The following ANXA2 variants were observed in gnomAD, a reference collection of about 807,000 sequenced individuals.
The protein encoded by ANXA2 is annexin II.
Under a neutral mutation model 47.3 loss-of-function variants are expected in ANXA2, and 28 were observed. The observed-to-expected ratio is 0.59, with a 90% confidence interval of 0.44 to 0.81. ANXA2 has a LOEUF of 0.81. ANXA2 is among the 40% of genes least tolerant of loss of function. The pLI, the probability that ANXA2 is intolerant of heterozygous loss-of-function variation, is 0.00. For missense variants in ANXA2, 384 were observed against 414.3 expected (o/e 0.93, Z 0.64); for synonymous variants, 172 against 155.5 (o/e 1.11, Z -0.79).
At chr15:60,378,470 C>T (rs2062810434) in intron 3 of ANXA2, among the ~76,000 whole-genome samples, 1 of 152,188 alleles carries the variant, frequency 6.6e-6, no homozygotes, top group Non-Finnish European at 1.5e-5. Flanking sequence ...TCAAGACATA[C>T]TTCCCAACTA....
chr15:60,350,149 G>A (rs199956256), intron 11 of ANXA2, among the ~76,000 whole-genome samples: 2 of 63,944 alleles, frequency 3.1e-5, no homozygotes, highest in South Asian at 5.2e-4. Flanking sequence ...GGGGAAGGCA[G>A]GGAGGCAGGG....
At chr15:60,358,155 T>C (rs192341758) in intron 5 of ANXA2, among the ~76,000 whole-genome samples, 23 of 152,346 alleles carry the variant, frequency 1.5e-4, no homozygotes, top group Non-Finnish European at 2.8e-4. Flanking sequence ...TTGATAATTA[T>C]GCACTCTTCA....
chr15:60,365,594 A>G (rs977549644), intron 3 of ANXA2, among the ~76,000 whole-genome samples: 2 of 152,242 alleles, frequency 1.3e-5, no homozygotes, highest in Non-Finnish European at 2.9e-5. Context: ...CGCTTGAGAC[A>G]AAGACAAACA....
intron 1 of ANXA2, among the ~76,000 whole-genome samples, chr15:60,391,757 A>G (rs1421611384): frequency 6.6e-6 from 1 of 152,054 alleles, no homozygotes; most frequent in Non-Finnish European, 1.5e-5. Flanking sequence ...ACCGTATAAA[A>G]CTCATAAATC....
At chr15:60,355,026 G>A (rs1190303266) in intron 7 of ANXA2, among the ~76,000 whole-genome samples, 2 of 152,128 alleles carry the variant, frequency 1.3e-5, no homozygotes, top group Admixed American at 1.3e-4. Flanking sequence ...CAAGCAGAGC[G>A]GGAGAGCCAG....
chr15:60,373,670 C>G (rs377293049), intron 3 of ANXA2, among the ~76,000 whole-genome samples: 6 of 152,350 alleles, frequency 3.9e-5, no homozygotes, highest in African/African-American at 1.4e-4. Context: ...GGACTCAGAC[C>G]TGTGAGATCC....
intron 1 of ANXA2, chr15:60,393,263 G>A: frequency 2.9e-6 from 3 of 1,048,506 alleles, no homozygotes; most frequent in Non-Finnish European, 3.5e-6. Context: ...TGCTCTCACA[G>A]CCTCTCTCTG....
At chr15:60,358,968 C>G (rs1231156072) in intron 5 of ANXA2, among the ~76,000 whole-genome samples, 3 of 152,174 alleles carry the variant, frequency 2.0e-5, no homozygotes, top group Non-Finnish European at 4.4e-5. Context: ...TTGGCAATTT[C>G]CAAAGCCCGG....
chr15:60,353,096 C>G (rs998487716), intron 8 of ANXA2, among the ~76,000 whole-genome samples: 1 of 152,156 alleles, frequency 6.6e-6, no homozygotes, highest in Admixed American at 6.5e-5. Flanking sequence ...TATTTAAAAC[C>G]CTTCTCTACT....
At chr15:60,388,904 GC>G (rs2062969812) in intron 1 of ANXA2, among the ~76,000 whole-genome samples, 1 of 57,850 alleles carries the variant, frequency 1.7e-5, no homozygotes, top group Non-Finnish European at 4.3e-5. Context: ...ACTACACCTG[GC>G]TTTTTTTTTT....
intron 4 of ANXA2, 53 bp from the exon 5 acceptor site, chr15:60,361,107 G>T: frequency 1.6e-6 from 2 of 1,270,846 alleles, no homozygotes; most frequent in Admixed American, 1.8e-5. Flanking sequence ...TTTAAAACTA[G>T]TGAGTAAAAC....
intron 1 of ANXA2, chr15:60,393,550 C>T: frequency 1.0e-6 from 1 of 985,644 alleles, no homozygotes; most frequent in South Asian, 4.7e-5. Flanking sequence ...GCATCCTGCA[C>T]AGAAGAGTTA....
chr15:60,397,330 C>T, intron 1 of ANXA2: 1 of 985,704 alleles, frequency 1.0e-6, no homozygotes, highest in East Asian at 1.1e-4. Flanking sequence ...TGCTATGCTA[C>T]AAGATAACCT....
At chr15:60,381,244 C>G (rs1453938890) in intron 3 of ANXA2, among the ~76,000 whole-genome samples, 1 of 152,136 alleles carries the variant, frequency 6.6e-6, no homozygotes, top group African/African-American at 2.4e-5. Context: ...AGTTAAAACG[C>G]TGTACATAGA....
chr15:60,360,710 T>C (rs933060268), intron 5 of ANXA2, among the ~76,000 whole-genome samples: 1 of 152,230 alleles, frequency 6.6e-6, no homozygotes, highest in South Asian at 2.1e-4. Flanking sequence ...TGCTGAGTAG[T>C]AGCAGCTGGT....
intron 1 of ANXA2, chr15:60,390,814 A>C (rs1405261084): frequency 6.4e-6 from 1 of 156,498 alleles, no homozygotes; most frequent in Non-Finnish European, 1.4e-5. Flanking sequence ...ATGCAAAGTC[A>C]TTTTGCATAT....
intron 3 of ANXA2, among the ~76,000 whole-genome samples, chr15:60,377,802 C>T (rs2062801373): frequency 6.6e-6 from 1 of 151,894 alleles, no homozygotes; most frequent in Non-Finnish European, 1.5e-5. Context: ...TAAAAGAAAT[C>T]ATAGGCCAGG....
rs1426460558 is a variant in ANXA2, at chr15:60,347,332, T to C, written c.*298A>G. 1 of 426,370 alleles carries C rather than the reference T, an allele frequency of 2.3e-6. No homozygotes were observed. Among genetic ancestry groups the C allele is most frequent in the African/African-American group, 2.0e-5 (1 of 50,166 alleles). 26.4% of individuals were successfully genotyped at this position (426,370 alleles called of 1,614,324 possible). A position where few individuals can be genotyped will look rare whatever the true frequency, so the allele number is the denominator to read the frequency against. ...TGAAAGCAGGGCCACAAAGTACGTG[T>C]TTCTAAAGTACAAATTCAGTTTATT... On this transcript the variant is annotated 3_prime_UTR_variant, in exon 13 of 13. Coordinates refer to ENST00000451270, the MANE Select transcript of ANXA2 (RefSeq NM_004039.3).
chr15:60,393,067 GT>G (rs2063035324), intron 1 of ANXA2: 1 of 1,287,128 alleles, frequency 7.8e-7, no homozygotes, highest in South Asian at 1.2e-5. Flanking sequence ...CTTCTCCTTG[GT>G]TTTATGGTCT....
Sources: allele counts gnomAD v4.1 joint callset (sites outside exome capture counted in the v4.1 genomes callset), GRCh38; gene constraint gnomAD v4.1.1; transcripts MANE v1.5; gene names NCBI Gene and HGNC (gene_info 2026-07-23, HGNC 2026-07-21).